TPR: variants seen among roughly 807,000 people sequenced by gnomAD.
TPR encodes the protein nucleoprotein TPR.
A neutral mutation model predicts 316.1 loss-of-function variants in TPR; 51 were observed. That is an observed-to-expected ratio of 0.16 (90% confidence interval 0.13 to 0.20). The LOEUF is 0.20. Ranked by LOEUF, TPR falls within the 10% of genes least tolerant of loss-of-function variation. The probability of loss-of-function intolerance (pLI) is 1.00; values close to 1 mark genes in which losing one functional copy is unlikely to be tolerated. For synonymous variants in TPR, 981 were observed against 914.7 expected (o/e 1.07, Z -1.31); for missense variants, 2,272 against 2,754.8 (o/e 0.82, Z 3.92).
Position 186,347,295 on chromosome 1 carries a change from T to C in TPR, c.2940A>G (p.Lys980=). Residue 980 remains lysine, a synonymous_variant, in exon 22 of 51, where the codon AAA becomes AAG. Transcript: ENST00000367478. The part of the protein sequence containing the change: ...TSLEESLNKE[K]QVTEEVRKNI... ...CTGAATTCAGAATTATACATACCTG[T>C]TTTTCCTTGTTCAGGGATTCTTCTA... 3 of 1,613,304 alleles carry C rather than the reference T, an allele frequency of 1.9e-6. No homozygotes were observed. The highest frequency in any genetic ancestry group is 1.3e-5 in the African/African-American group (1 of 75,016).
At position 186,341,252 on chromosome 1, in the gene TPR, C is replaced by A. The variant is rs749116445; in HGVS notation, c.3888G>T (p.Lys1296Asn). The A allele has an allele frequency of 6.2e-7, 1 of 1,613,618 alleles. No homozygotes were observed. Among genetic ancestry groups the A allele is most frequent in the Non-Finnish European group, 8.5e-7 (1 of 1,179,912 alleles). The change falls in exon 28 of 51, where the codon AAG becomes AAT. Residue 1296 changes from lysine to asparagine, a missense_variant and splice_region_variant. Coordinates refer to ENST00000367478, the MANE Select transcript of TPR (RefSeq NM_003292.3). ...LEQDLQQMQAKVRKLELDILP... is the reference protein window; with the variant it reads ...LEQDLQQMQANVRKLELDILP... The stretch of plus-strand genomic sequence containing the variant: ...CACTCTTGATAACTAAGCAACAAAC[C>A]TTTGCTTGCATTTGCTGTAGATCCT...
At chr1:186,316,128 G>A (rs1261269758) in intron 49 of TPR, among the ~76,000 whole-genome samples, 2 of 151,806 alleles carry the variant, frequency 1.3e-5, no homozygotes, top group African/African-American at 4.8e-5. Flanking sequence ...GATATAACAA[G>A]TGCTAATTCT....
rs1658605273 is a variant in TPR, at chr1:186,344,160, C to T, written c.3418-70G>A. On this transcript the variant is annotated intron_variant, in intron 25 of 50. Transcript: ENST00000367478. Reference sequence around the variant, plus strand: ...ATTTAAAAAAAACAACTTGGCCAGGCGCGGTGGCTAACGCCTGTAATCCCG... The same window carrying T: ...ATTTAAAAAAAACAACTTGGCCAGGTGCGGTGGCTAACGCCTGTAATCCCG... 1.9e-5 allele frequency: 29 copies of T among 1,523,282 alleles called. No homozygotes were observed. The South Asian group carries it at 3.1e-4, about 16-fold the overall frequency. 94.4% of individuals were successfully genotyped at this position (1,523,282 alleles called of 1,614,324 possible). A position where few individuals can be genotyped will look rare whatever the true frequency, so the allele number is the denominator to read the frequency against.
chr1:186,343,659 A>T (rs1470506827), intron 26 of TPR, among the ~76,000 whole-genome samples, 186 bp from the exon 27 acceptor site: 1 of 152,180 alleles, frequency 6.6e-6, no homozygotes, highest in Non-Finnish European at 1.5e-5. Context: ...TAGAATGTTT[A>T]TCTCTAAAAT....
chr1:186,370,978 C>T lies in TPR; in HGVS notation c.322G>A (p.Ala108Thr). The T allele has an allele frequency of 6.2e-7, 1 of 1,612,144 alleles. No homozygotes were observed. Among genetic ancestry groups the T allele is most frequent in the South Asian group, 1.1e-5 (1 of 91,020 alleles). The change falls in exon 3 of 51, where the codon GCC becomes ACC. Residue 108 changes from alanine (A) to threonine (T), a missense_variant. By Grantham distance (58) the Ala-to-Thr change is moderately conservative. Transcript: ENST00000367478. Reference protein sequence around the residue: ...ELEIAQDRNIAIQSQFTRTKE... With the variant: ...ELEIAQDRNITIQSQFTRTKE... The stretch of plus-strand genomic sequence containing the variant: ...TAAGAAATATCTCTTACCTGAATGG[C>T]AATATTGCGATCCTGAGCAATTTCA...
chr1:186,325,734 C>G, intron 42 of TPR, 30 bp downstream of exon 42: 1 of 1,566,186 alleles, frequency 6.4e-7, no homozygotes, highest in Non-Finnish European at 8.8e-7. Flanking sequence ...CAGAGATATT[C>G]AATTCAAAAA....
chr1:186,334,562 T>G, intron 35 of TPR, 29 bp from the exon 36 acceptor site: 3 of 1,590,890 alleles, frequency 1.9e-6, no homozygotes, highest in Non-Finnish European at 1.7e-6. Flanking sequence ...GAAGAATAAT[T>G]AATAACAAAT....
Position 186,360,751 on chromosome 1 carries a change from T to C in TPR, c.1099+14A>G. Reference sequence around the variant, plus strand: ...TAGTATTTCAACTCACTAACAAGCATCTATTAGCCATACCTTTACGTTTTG... The same window carrying C: ...TAGTATTTCAACTCACTAACAAGCACCTATTAGCCATACCTTTACGTTTTG... On this transcript the variant is annotated intron_variant, in intron 10 of 50. Transcript: ENST00000367478. 1 of 1,611,952 alleles carries C rather than the reference T, an allele frequency of 6.2e-7. No individual in the cohort carries two copies. The highest frequency in any genetic ancestry group is 8.5e-7 in the Non-Finnish European group (1 of 1,178,864).
intron 18 of TPR, among the ~76,000 whole-genome samples, chr1:186,353,254 C>T (rs1571627358): frequency 2.0e-5 from 3 of 152,046 alleles, no homozygotes; most frequent in Admixed American, 6.6e-5. Flanking sequence ...CACCTGTAGT[C>T]CCAGCTACTC....
intron 40 of TPR, among the ~76,000 whole-genome samples, chr1:186,327,163 AACATATATAT>A (rs1557993229): frequency 5.9e-3 from 3 of 510 alleles, no homozygotes; most frequent in South Asian, 0.05. Flanking sequence ...ATAAATATAT[AACATATATAT>A]TATATATATA....
In TPR at chr1:186,363,356, C is replaced by G; in HGVS notation, c.517G>C (p.Asp173His). 6.2e-7 allele frequency: 1 copy of G among 1,612,142 alleles called. No individual in the cohort carries two copies. Among genetic ancestry groups the G allele is most frequent in the Non-Finnish European group, 8.5e-7 (1 of 1,178,706 alleles). The change falls in exon 5 of 51, where the codon GAT becomes CAT. Residue 173 changes from aspartate to histidine, a missense_variant. Around this residue, in one of 10 missense-constraint regions of TPR, gnomAD observed 549 missense variants for 598.6 expected, o/e 0.92. Transcript: ENST00000367478. ...CTGGTACTTGCCTTAACAGAAACATCAGAAGCTTGAAGTTCATCCAATTTT... is the reference window on the plus strand; with the variant it reads ...CTGGTACTTGCCTTAACAGAAACATGAGAAGCTTGAAGTTCATCCAATTTT... ...QLKLDELQAS[D>H]VSVKYREKRL... is the part of the protein sequence containing the mutation.
rs149609310 is a variant in TPR, at chr1:186,356,016, A to G, written c.1889-248T>C. ...ATCCATATTTATGTTTTATTAAAAC[A>G]TATCTGTTTTGGTCATTAAAACATA... On this transcript the variant is annotated intron_variant, in intron 15 of 50. Coordinates refer to ENST00000367478, the MANE Select transcript of TPR (RefSeq NM_003292.3). Among the ~76,000 whole-genome samples, 616 of 152,330 alleles carry G rather than the reference A, an allele frequency of 4.0e-3. 5 individuals carry two copies. The highest frequency in any genetic ancestry group is 0.014 in the African/African-American group (562 of 41,568).
intron 27 of TPR, 47 bp from the exon 28 acceptor site, chr1:186,341,436 A>G (rs1270623259): frequency 1.0e-5 from 16 of 1,580,308 alleles, no homozygotes; most frequent in Non-Finnish European, 1.3e-5. Flanking sequence ...ACAATAGTTG[A>G]AAGTCTACCT....
Position 186,358,727 on chromosome 1 carries a change from C to T in TPR, c.1390-77G>A, listed in dbSNP as rs1160402145. On this transcript the variant is annotated intron_variant, in intron 12 of 50. Transcript: ENST00000367478. ...ACAAGTAATAAAGACATACAATACT[C>T]AAACACCACCAGTAATCAACTTATA... 3.6e-6 allele frequency: 4 copies of T among 1,104,746 alleles called. No homozygotes were observed. The African/African-American group carries it at 4.7e-5, about 13-fold the overall frequency. 68.4% of individuals were successfully genotyped at this position (1,104,746 alleles called of 1,614,324 possible). A position where few individuals can be genotyped will look rare whatever the true frequency, so the allele number is the denominator to read the frequency against.
chr1:186,324,430 CA>C (rs1657857885), intron 42 of TPR, among the ~76,000 whole-genome samples: 1 of 152,096 alleles, frequency 6.6e-6, no homozygotes, highest in South Asian at 2.1e-4. Context: ...TGAATTTTAA[CA>C]AATGTCTCTC....
At chr1:186,344,326 A>C (rs1483668503) in intron 25 of TPR, 49 bp downstream of exon 25, 1 of 1,581,188 alleles carries the variant, frequency 6.3e-7, no homozygotes, top group East Asian at 2.2e-5. Context: ...AAAGAAAAAA[A>C]CAACTCTTTC....
intron 21 of TPR, 36 bp downstream of exon 21, chr1:186,350,187 T>C: frequency 6.5e-7 from 1 of 1,532,812 alleles, no homozygotes; most frequent in African/African-American, 1.4e-5. Flanking sequence ...AGTACTTGTT[T>C]ATTTACAATT....
rs540918298 is a variant in TPR at position 186,332,165 on chromosome 1, G to C, written c.5604+30C>G. On this transcript the variant is annotated intron_variant, in intron 38 of 50. Coordinates refer to ENST00000367478, the MANE Select transcript of TPR (RefSeq NM_003292.3). Reference sequence around the variant, plus strand: ...GAGTACCTTAACTCTACTGGTAAAAGTTAAAATACACAGAAAGAACTTTAC... The same window carrying C: ...GAGTACCTTAACTCTACTGGTAAAACTTAAAATACACAGAAAGAACTTTAC... The C allele has an allele frequency of 5.0e-6, 8 of 1,587,798 alleles. No homozygotes were observed. The East Asian group carries it at 1.6e-4, about 31-fold the overall frequency.
At chr1:186,331,918 G>C (rs3736597) in intron 38 of TPR, among the ~76,000 whole-genome samples, 28,427 of 151,982 alleles carry the variant, frequency 0.19, 3,015 homozygotes, top group African/African-American at 0.29. Context: ...ATGTCCATGA[G>C]ACTTAGAAAC....
Sources: gnomAD v4.1 joint callset for allele counts (sites outside exome capture counted in the v4.1 genomes callset) on GRCh38, gnomAD v4.1.1 for gene constraint, gnomAD v4.1.1 regional missense constraint, MANE v1.5 for transcripts, NCBI Gene and HGNC (gene_info 2026-07-23, HGNC 2026-07-21) for gene names.